Variants in PLEKHD1 observed in about 807,000 individuals in gnomAD.
The protein encoded by PLEKHD1 is pleckstrin homology domain-containing family D member 1.
PLEKHD1 carries 51 observed loss-of-function variants against 69.2 expected under a neutral mutation model. That is an observed-to-expected ratio of 0.74 (90% confidence interval 0.59 to 0.93). The LOEUF (loss-of-function observed/expected upper bound fraction) is 0.93, where lower values mean the gene tolerates loss of function less well. PLEKHD1 is among the 40% of genes least tolerant of loss of function. The pLI is 0.00. For synonymous variants in PLEKHD1, 236 were observed against 244.7 expected (o/e 0.96, Z 0.33); for missense variants, 584 against 641.0 (o/e 0.91, Z 0.96).
At chr14:69,491,445 T>C (rs1882774745) in intron 1 of PLEKHD1, among the ~76,000 whole-genome samples, 1 of 152,214 alleles carries the variant, frequency 6.6e-6, no homozygotes, top group African/African-American at 2.4e-5. Flanking sequence ...CTCTCTCCTC[T>C]GCACTCTGCC....
chr14:69,480,900 A>T (rs572989929), upstream of PLEKHD1, among the ~76,000 whole-genome samples: 19 of 152,278 alleles, frequency 1.2e-4, no homozygotes, highest in East Asian at 3.7e-3. Flanking sequence ...TGATCCACCC[A>T]TCTCGGCCTC....
Position 69,500,170 on chromosome 14 carries a change from A to G in PLEKHD1, c.205A>G (p.Ser69Gly). 1 of 1,550,724 alleles carries G rather than the reference A, an allele frequency of 6.4e-7. No homozygotes were observed. Among genetic ancestry groups the G allele is most frequent in the South Asian group, 1.2e-5 (1 of 84,046 alleles). The change falls in exon 2 of 13, where the codon AGC becomes GGC. Residue 69 changes from serine to glycine, a missense_variant. Coordinates refer to ENST00000322564, the MANE Select transcript of PLEKHD1 (RefSeq NM_001161498.2). ...TTACTACTCTGAGAGCGAAAAAAAG[A>G]GCTTTGAAACCAATAAATACTTCAA... ...LLYYSESEKK[S>G]FETNKYFNIH... is the part of the protein sequence containing the mutation.
At chr14:69,497,877 G>C (rs774320574) in intron 1 of PLEKHD1, among the ~76,000 whole-genome samples, 12 of 152,112 alleles carry the variant, frequency 7.9e-5, no homozygotes, top group Non-Finnish European at 1.3e-4. Flanking sequence ...TGGCCGGTCA[G>C]AGAGGGTAGG....
At position 69,485,112 on chromosome 14, in the gene PLEKHD1, G is replaced by A. The variant is rs931690193; in HGVS notation, c.147G>A (p.Arg49=). 3.9e-6 allele frequency: 6 copies of A among 1,549,364 alleles called. No homozygotes were observed. The Admixed American group carries it at 9.8e-5, about 25-fold the overall frequency. ...GCAGGCCGTCGGCCAAGTGGTCCCG[G>A]CGGTGAGTGCGCCCCCGCGCCCCAA... ...PFGRPSAKWS[R]RFFIIKESFL... is the part of the protein sequence containing the mutation. Residue 49 remains arginine, a splice_region_variant and synonymous_variant, in exon 1 of 13, where the codon CGG becomes CGA. Coordinates refer to ENST00000322564, the MANE Select transcript of PLEKHD1 (RefSeq NM_001161498.2).
intron 6 of PLEKHD1, among the ~76,000 whole-genome samples, chr14:69,505,696 C>T (rs769185596): frequency 1.1e-4 from 16 of 152,176 alleles, no homozygotes; most frequent in African/African-American, 2.7e-4. Context: ...TGAAGTAGAA[C>T]GCGGGGAAGG....
At chr14:69,527,152 C>T in intron 10 of PLEKHD1, 36 bp from the exon 11 acceptor site, 2 of 1,502,026 alleles carry the variant, frequency 1.3e-6, no homozygotes, top group Non-Finnish European at 1.8e-6. Context: ...CTTCCAGGAC[C>T]TGACTTCCTT....
chr14:69,471,226 C>T, the PLEKHD1 span, among the ~76,000 whole-genome samples: 1 of 150,024 alleles, frequency 6.7e-6, no homozygotes. Context: ...CCATCTCAGC[C>T]TCCTGAGTAG....
At position 69,522,441 on chromosome 14, in the gene PLEKHD1, C is replaced by T. The variant is rs1053463897; in HGVS notation, c.650+64C>T. The T allele has an allele frequency of 1.7e-5, 25 of 1,507,714 alleles. No homozygotes were observed. In the Admixed American group the frequency reaches 2.4e-4, roughly 14 times the overall value. The allele number at this position is 1,507,714 out of a possible 1,614,324, so 93.4% of individuals were successfully genotyped here. A position where few individuals can be genotyped will look rare whatever the true frequency, so the allele number is the denominator to read the frequency against. On this transcript the variant is annotated intron_variant, in intron 7 of 12. Coordinates refer to ENST00000322564, the MANE Select transcript of PLEKHD1 (RefSeq NM_001161498.2). ...TAGGGCATGCAGAGCCCACCTTCCC[C>T]GTCAGATCTGAGGAGGCCTCCACCT...
At chr14:69,487,182 AACACACACACACACACACAC>A (rs199671230) in intron 1 of PLEKHD1, among the ~76,000 whole-genome samples, 2 of 140,356 alleles carry the variant, frequency 1.4e-5, no homozygotes, top group African/African-American at 2.7e-5. Flanking sequence ...GGGAATACAC[AACACACACACACACACACAC>A]ACACACACAC....
At chr14:69,490,039 G>A (rs1882742685) in intron 1 of PLEKHD1, among the ~76,000 whole-genome samples, 1 of 152,134 alleles carries the variant, frequency 6.6e-6, no homozygotes, top group Non-Finnish European at 1.5e-5. Flanking sequence ...GCTAATTTTT[G>A]TATTTTTGAG....
chr14:69,502,741 G>T, intron 5 of PLEKHD1, 86 bp from the exon 6 acceptor site: 2 of 1,521,644 alleles, frequency 1.3e-6, no homozygotes, highest in Admixed American at 2.0e-5. Flanking sequence ...GGGTGACAGC[G>T]ACCACCTCAG....
At position 69,527,895 on chromosome 14, in the gene PLEKHD1, C is replaced by T; in HGVS notation, c.1314C>T (p.Arg438=). Residue 438 remains arginine, a synonymous_variant, in exon 12 of 13, where the codon CGC becomes CGT. Transcript: ENST00000322564. ...KAATRRIKSC[R]FHRRRSSTSW... is the part of the protein sequence containing the mutation. Reference sequence around the variant, plus strand: ...CCACTCGCCGCATCAAGAGCTGCCGCTTCCACCGACGCCGGTCCAGCACCT... The same window carrying T: ...CCACTCGCCGCATCAAGAGCTGCCGTTTCCACCGACGCCGGTCCAGCACCT... 1 of 1,551,632 alleles carries T rather than the reference C, an allele frequency of 6.4e-7. No homozygotes were observed. The highest frequency in any genetic ancestry group is 8.7e-7 in the Non-Finnish European group (1 of 1,147,014).
chr14:69,506,686 G>C (rs558987287), intron 6 of PLEKHD1, among the ~76,000 whole-genome samples: 1 of 152,222 alleles, frequency 6.6e-6, no homozygotes, highest in South Asian at 2.1e-4. Flanking sequence ...GCACCACAGT[G>C]ATACATTTGT....
chr14:69,487,618 C>G (rs1882683779), intron 1 of PLEKHD1, among the ~76,000 whole-genome samples: 1 of 152,242 alleles, frequency 6.6e-6, no homozygotes, highest in African/African-American at 2.4e-5. Flanking sequence ...GCCCAAGCAG[C>G]CCTGCCTGCC....
chr14:69,475,397 G>A, the PLEKHD1 span, among the ~76,000 whole-genome samples: 444 of 152,346 alleles, frequency 2.9e-3, 4 homozygotes, highest in Middle Eastern at 0.01. Flanking sequence ...ATGCCGGTGG[G>A]TACCAAGAGC....
At chr14:69,517,337 A>G (rs1883407306) in intron 6 of PLEKHD1, among the ~76,000 whole-genome samples, 1 of 152,152 alleles carries the variant, frequency 6.6e-6, no homozygotes, top group Admixed American at 6.5e-5. Flanking sequence ...TGTGTTTATG[A>G]TATCTTTGGA....
intron 7 of PLEKHD1, among the ~76,000 whole-genome samples, chr14:69,523,094 G>A (rs570048706): frequency 7.9e-4 from 120 of 152,042 alleles, no homozygotes; most frequent in Non-Finnish European, 9.3e-4. Flanking sequence ...CACCATGCTT[G>A]GCTAATTTTT....
At chr14:69,478,403 T>A in the PLEKHD1 span, among the ~76,000 whole-genome samples, 1 of 152,224 alleles carries the variant, frequency 6.6e-6, no homozygotes, top group African/African-American at 2.4e-5. Flanking sequence ...ATTTGGCTCC[T>A]CATTACTTAT....
intron 1 of PLEKHD1, among the ~76,000 whole-genome samples, chr14:69,486,259 G>A (rs919940191): frequency 6.6e-6 from 1 of 152,210 alleles, no homozygotes; most frequent in Non-Finnish European, 1.5e-5. Context: ...CTGATGTTCT[G>A]TTCTGATGAA....
Sources: allele counts gnomAD v4.1 joint callset (sites outside exome capture counted in the v4.1 genomes callset), GRCh38; gene constraint gnomAD v4.1.1; transcripts MANE v1.5; gene names NCBI Gene and HGNC (gene_info 2026-07-23, HGNC 2026-07-21).